FMN1: variants seen among roughly 807,000 people sequenced by gnomAD.
FMN1 encodes the protein formin-1.
Under a neutral mutation model 132.4 loss-of-function variants are expected in FMN1, and 110 were observed. The ratio of observed to expected loss-of-function variants is 0.83; its 90% CI spans 0.71 to 0.97. The LOEUF (loss-of-function observed/expected upper bound fraction) is 0.97, where lower values mean the gene tolerates loss of function less well. FMN1 is among the 50% of genes least tolerant of loss of function. The pLI, the probability that FMN1 is intolerant of heterozygous loss-of-function variation, is 0.00. For missense variants in FMN1, 1,792 were observed against 1,705.3 expected (o/e 1.05, Z -0.90); for synonymous variants, 722 against 651.7 (o/e 1.11, Z -1.64).
intron 18 of FMN1, among the ~76,000 whole-genome samples, chr15:32,801,441 C>A (rs1165944699): frequency 1.3e-5 from 2 of 152,102 alleles, no homozygotes; most frequent in Non-Finnish European, 2.9e-5. Flanking sequence ...TGGCACTCAG[C>A]AGCTTAGACA....
intron 9 of FMN1, among the ~76,000 whole-genome samples, chr15:32,962,057 C>T (rs573888521): frequency 6.6e-6 from 1 of 152,094 alleles, no homozygotes; most frequent in Non-Finnish European, 1.5e-5. Flanking sequence ...ATGTGATTGA[C>T]AGGGTTTATG....
rs535754712 is a variant in FMN1 at position 32,816,523 on chromosome 15, AG to A, written c.3929-12192del. The stretch of plus-strand genomic sequence containing the variant: ...AGAAAGGGGCTCATTTAATATAATC[AG>A]AAAAAGAAACAACAGATGCTGTTTG... On this transcript the variant is annotated intron_variant, in intron 17 of 20. Transcript: ENST00000616417. 6.6e-3 allele frequency among the ~76,000 whole-genome samples: 1,003 copies of A among 152,336 alleles called. 4 individuals carry two copies. The highest frequency in any genetic ancestry group is 0.012 in the Non-Finnish European group (789 of 68,024).
intron 4 of FMN1, among the ~76,000 whole-genome samples, chr15:33,101,315 G>A (rs1263724446): frequency 6.6e-6 from 1 of 152,032 alleles, no homozygotes; most frequent in East Asian, 1.9e-4. Flanking sequence ...TCAGTTAATG[G>A]TATTCTAATT....
intron 4 of FMN1, among the ~76,000 whole-genome samples, chr15:33,117,444 C>T (rs1333561178): frequency 1.3e-5 from 2 of 152,100 alleles, no homozygotes; most frequent in Non-Finnish European, 2.9e-5. Flanking sequence ...ATTCATTTCT[C>T]GGCGTTTTCT....
At chr15:32,902,792 G>C (rs2060329313) in intron 12 of FMN1, among the ~76,000 whole-genome samples, 1 of 152,190 alleles carries the variant, frequency 6.6e-6, no homozygotes, top group Non-Finnish European at 1.5e-5. Context: ...AAGTTGGAAA[G>C]AGCGACATAC....
chr15:32,973,571 C>T (rs2031960834), intron 7 of FMN1, among the ~76,000 whole-genome samples: 1 of 148,496 alleles, frequency 6.7e-6, no homozygotes, highest in African/African-American at 2.6e-5. Flanking sequence ...CTCTCTCTGC[C>T]CCTCACCCCC....
chr15:33,054,859 T>C (rs540825670), intron 6 of FMN1, among the ~76,000 whole-genome samples: 8 of 152,154 alleles, frequency 5.3e-5, no homozygotes, highest in Non-Finnish European at 1.0e-4. Context: ...GTATCTTACA[T>C]GGAAATACAA....
chr15:33,024,903 G>C (rs2035595165), intron 6 of FMN1, among the ~76,000 whole-genome samples: 1 of 152,142 alleles, frequency 6.6e-6, no homozygotes, highest in South Asian at 2.1e-4. Flanking sequence ...GAATGAAATA[G>C]AGCTATACAT....
chr15:32,949,410 C>G (rs2061576203), intron 9 of FMN1, among the ~76,000 whole-genome samples: 1 of 152,100 alleles, frequency 6.6e-6, no homozygotes, highest in Admixed American at 6.6e-5. Flanking sequence ...ACACCTACAA[C>G]TATCTGACCT....
chr15:33,091,124 A>G (rs1407992235), intron 4 of FMN1, among the ~76,000 whole-genome samples: 2 of 152,214 alleles, frequency 1.3e-5, no homozygotes, highest in Non-Finnish European at 2.9e-5. Flanking sequence ...AACATAACAT[A>G]TATAATATGT....
intron 9 of FMN1, among the ~76,000 whole-genome samples, chr15:32,962,105 T>TTTTTTATTATTA (rs1555505534): frequency 6.6e-6 from 1 of 150,760 alleles, no homozygotes; most frequent in African/African-American, 2.4e-5. Flanking sequence ...AGGGCAAGGA[T>TTTTTTATTATTA]TTATTATTAT....
chr15:33,042,273 T>G (rs73376615), intron 6 of FMN1, among the ~76,000 whole-genome samples: 2 of 152,296 alleles, frequency 1.3e-5, no homozygotes, highest in African/African-American at 4.8e-5. Flanking sequence ...CAGAGGCAAG[T>G]TATGCTCCTG....
At chr15:32,808,531 C>T (rs754409860) in intron 17 of FMN1, among the ~76,000 whole-genome samples, 1 of 152,192 alleles carries the variant, frequency 6.6e-6, no homozygotes, top group Non-Finnish European at 1.5e-5. Flanking sequence ...GGTTTTGCAC[C>T]AGGTGGACCT....
chr15:33,005,927 G>A (rs1449790159), intron 7 of FMN1, among the ~76,000 whole-genome samples: 3 of 152,078 alleles, frequency 2.0e-5, no homozygotes, highest in African/African-American at 2.4e-5. Flanking sequence ...AGGAGACAGA[G>A]GTACTTTTCC....
intron 5 of FMN1, chr15:33,066,815 T>G: frequency 6.2e-7 from 1 of 1,613,974 alleles, no homozygotes; most frequent in Non-Finnish European, 8.5e-7. Flanking sequence ...TCCCTTCGGT[T>G]CAGTTTTGGG....
At chr15:32,785,215 T>C (rs2056826851) in intron 19 of FMN1, among the ~76,000 whole-genome samples, 1 of 57,774 alleles carries the variant, frequency 1.7e-5, no homozygotes, top group Non-Finnish European at 3.2e-5. Context: ...TATATATATA[T>C]ATATTTTTTT....
intron 17 of FMN1, among the ~76,000 whole-genome samples, chr15:32,827,540 T>C (rs1461490417): frequency 1.2e-4 from 19 of 152,186 alleles, no homozygotes. Flanking sequence ...GTTCATCTTT[T>C]TAACGACCCA....
intron 6 of FMN1, among the ~76,000 whole-genome samples, chr15:33,017,583 T>C (rs1235470201): frequency 6.6e-6 from 1 of 152,208 alleles, no homozygotes. Flanking sequence ...AATAAAATAT[T>C]GGACAATAAC....
In FMN1 at chr15:33,140,589, C is replaced by G. The variant is rs1036697665; in HGVS notation, c.1867+12459G>C. Among the ~76,000 whole-genome samples the G allele has an allele frequency of 3.3e-5, 5 of 152,140 alleles. 1 individual carries two copies. The highest frequency in any genetic ancestry group is 7.3e-5 in the Non-Finnish European group (5 of 68,034). Reference sequence around the variant, plus strand: ...GGAGCTGGTGATCTAGTGTCAGACTCACATGTAAACAAATAATTACAACAA... The same window carrying G: ...GGAGCTGGTGATCTAGTGTCAGACTGACATGTAAACAAATAATTACAACAA... On this transcript the variant is annotated intron_variant, in intron 4 of 20. Coordinates refer to ENST00000616417, the MANE Select transcript of FMN1 (RefSeq NM_001277313.2).
Sources: gnomAD v4.1 joint callset for allele counts (sites outside exome capture counted in the v4.1 genomes callset) on GRCh38, gnomAD v4.1.1 for gene constraint, MANE v1.5 for transcripts, NCBI Gene and HGNC (gene_info 2026-07-23, HGNC 2026-07-21) for gene names.